The following EMC1 variants were observed in gnomAD, a reference collection of about 807,000 sequenced individuals.
EMC1 encodes KIAA0090.
In EMC1, 103 loss-of-function variants were observed where a neutral mutation model predicts 128.8. That is an observed-to-expected ratio of 0.80 (90% confidence interval 0.68 to 0.94). The LOEUF (loss-of-function observed/expected upper bound fraction) is 0.94. EMC1 is among the 40% of genes least tolerant of loss of function. EMC1 has a pLI of 0.00. For synonymous variants in EMC1, 442 were observed against 490.4 expected (o/e 0.90, Z 1.30); for missense variants, 1,083 against 1,250.6 (o/e 0.87, Z 2.02).
At position 19,219,331 on chromosome 1, in the gene EMC1, A is replaced by G. The variant is rs2093413438; in HGVS notation, c.2954T>C (p.Val985Ala). ...ATMITKRLAQ[V>A]KLLNRAWR Reference sequence around the variant, plus strand: ...TCGCCAGGCCCGATTCAGGAGCTTCACCTGTGCCAGTCTCTTAGTGATCAT... The same window carrying G: ...TCGCCAGGCCCGATTCAGGAGCTTCGCCTGTGCCAGTCTCTTAGTGATCAT... The change falls in exon 23 of 23, where the codon GTG becomes GCG. Residue 985 changes from valine (V) to alanine (A), a missense_variant. Val to Ala is a moderately conservative substitution (Grantham distance 64, BLOSUM62 0). Coordinates refer to ENST00000477853, the MANE Select transcript of EMC1 (RefSeq NM_015047.3). The G allele has an allele frequency of 6.2e-7, 1 of 1,613,874 alleles. No homozygotes were observed. The highest frequency in any genetic ancestry group is 8.5e-7 in the Non-Finnish European group (1 of 1,180,022).
intron 5 of EMC1, among the ~76,000 whole-genome samples, chr1:19,241,501 C>T (rs1352097509): frequency 6.6e-6 from 1 of 152,058 alleles, no homozygotes; most frequent in Non-Finnish European, 1.5e-5. Context: ...TCATAACCCG[C>T]CTCATAGCAT....
chr1:19,247,893 T>G (rs1297444245), intron 1 of EMC1, among the ~76,000 whole-genome samples: 1 of 152,132 alleles, frequency 6.6e-6, no homozygotes, highest in East Asian at 1.9e-4. Context: ...GGCATAGTGC[T>G]GTGCACCACA....
chr1:19,241,867 G>T (rs1419976895), intron 5 of EMC1, among the ~76,000 whole-genome samples: 1 of 152,144 alleles, frequency 6.6e-6, no homozygotes, highest in East Asian at 1.9e-4. Flanking sequence ...TGTCTAAGTA[G>T]ATCCTTTTAT....
chr1:19,242,305 T>G lies in EMC1; in HGVS notation c.509+40A>C, dbSNP rs945683866. On this transcript the variant is annotated intron_variant, in intron 5 of 22. Coordinates refer to ENST00000477853, the MANE Select transcript of EMC1 (RefSeq NM_015047.3). The stretch of plus-strand genomic sequence containing the variant: ...AGGAGAAAGAGGAGCTCCTAGAGAG[T>G]AGAACGAGGCAGCTATTGCCTGTGA... 4 of 1,612,564 alleles carry G rather than the reference T, an allele frequency of 2.5e-6. No homozygotes were observed. The African/African-American group carries it at 4.0e-5, about 16-fold the overall frequency.
intron 2 of EMC1, 59 bp downstream of exon 2, chr1:19,244,847 G>T (rs2093624630): frequency 4.4e-6 from 7 of 1,596,008 alleles, no homozygotes; most frequent in Non-Finnish European, 5.1e-6. Flanking sequence ...GGCAGAGTTG[G>T]CAATGGTAAG....
At chr1:19,230,076 A>G (rs2151946532) in intron 17 of EMC1, among the ~76,000 whole-genome samples, 1 of 152,340 alleles carries the variant, frequency 6.6e-6, no homozygotes, top group South Asian at 2.1e-4. Context: ...GCCAGCGTGT[A>G]TTACTGTTTA....
chr1:19,243,263 C>T (rs1053896803), intron 4 of EMC1, among the ~76,000 whole-genome samples: 2 of 152,058 alleles, frequency 1.3e-5, no homozygotes, highest in African/African-American at 2.4e-5. Flanking sequence ...AAATAAACAA[C>T]TTTAGCAAAG....
intron 12 of EMC1, among the ~76,000 whole-genome samples, chr1:19,236,836 C>T (rs1009937708): frequency 6.7e-6 from 1 of 148,700 alleles, no homozygotes; most frequent in Non-Finnish European, 1.5e-5. Context: ...GTCGTGGTGG[C>T]ACACGCCTGT....
At chr1:19,251,096 TCA>T (rs1414499048) in intron 1 of EMC1, among the ~76,000 whole-genome samples, 3 of 152,066 alleles carry the variant, frequency 2.0e-5, no homozygotes, top group Non-Finnish European at 4.4e-5. Flanking sequence ...ACCAGAAACC[TCA>T]CAGTCAAAAA....
intron 1 of EMC1, among the ~76,000 whole-genome samples, chr1:19,251,146 C>A (rs1249708382): frequency 6.6e-6 from 1 of 152,192 alleles, no homozygotes; most frequent in African/African-American, 2.4e-5. Context: ...TCAGTGATCT[C>A]TGACCGGCAC....
At chr1:19,230,250 G>GA (rs994808925) in intron 17 of EMC1, among the ~76,000 whole-genome samples, 1 of 151,714 alleles carries the variant, frequency 6.6e-6, no homozygotes, top group African/African-American at 2.4e-5. Flanking sequence ...CCCAAGAATG[G>GA]AAAAAAAGTC....
intron 17 of EMC1, among the ~76,000 whole-genome samples, chr1:19,230,602 G>C (rs1254863460): frequency 2.0e-5 from 3 of 151,970 alleles, no homozygotes; most frequent in Admixed American, 2.0e-4. Flanking sequence ...TGGAATGAAA[G>C]CTCCACAAGG....
rs2093448009 is a variant in EMC1 at position 19,223,515 on chromosome 1, C to T, written c.2257G>A (p.Glu753Lys). 1 of 1,614,060 alleles carries T rather than the reference C, an allele frequency of 6.2e-7. No individual in the cohort carries two copies. The highest frequency in any genetic ancestry group is 1.7e-5 in the Admixed American group (1 of 60,004). ...AGGAAGATGCCAATAAAGGTGCGCT[C>T]ATGGTGCGCGTCTGTGCTCTCTGTC... ...VVTESTDAHH[E>K]RTFIGIFLID... The change falls in exon 19 of 23, where the codon GAG becomes AAG. Residue 753 changes from glutamate (E) to lysine (K), a missense_variant. By Grantham distance (56) the Glu-to-Lys change is moderately conservative. Coordinates refer to ENST00000477853, the MANE Select transcript of EMC1 (RefSeq NM_015047.3).
chr1:19,247,530 G>C (rs981998801), intron 1 of EMC1, among the ~76,000 whole-genome samples: 1 of 152,066 alleles, frequency 6.6e-6, no homozygotes, highest in South Asian at 2.1e-4. Flanking sequence ...TCACGTTTGC[G>C]GTGAAGGTGG....
Position 19,238,062 on chromosome 1 carries a change from G to A in EMC1, c.1167C>T (p.Thr389=), listed in dbSNP as rs2093579214. ...TCTGTTCCAGGCTAAATGTTATCGT[G>A]GTGTCCAGCAGCCGCCGACCTGTCT... ...LVETGRRLLD[T]TITFSLEQSG... Residue 389 remains threonine, a synonymous_variant, in exon 11 of 23, where the codon ACC becomes ACT. Transcript: ENST00000477853. The A allele has an allele frequency of 6.2e-7, 1 of 1,613,928 alleles. No individual in the cohort carries two copies. The highest frequency in any genetic ancestry group is 8.5e-7 in the Non-Finnish European group (1 of 1,180,008).
At chr1:19,238,299 T>C (rs528013834) in intron 10 of EMC1, among the ~76,000 whole-genome samples, 160 bp from the exon 11 acceptor site, 1 of 152,312 alleles carries the variant, frequency 6.6e-6, no homozygotes, top group South Asian at 2.1e-4. Flanking sequence ...AGCTAAATCC[T>C]AAGGCAGAAA....
chr1:19,221,083 A>G (rs1197896534), intron 20 of EMC1: 3 of 369,104 alleles, frequency 8.1e-6, no homozygotes, highest in African/African-American at 4.2e-5. Context: ...ATAAAGTTCT[A>G]GAATCAAGAT....
intron 21 of EMC1, 41 bp from the exon 22 acceptor site, chr1:19,219,739 G>C (rs775507363): frequency 6.2e-7 from 1 of 1,607,446 alleles, no homozygotes; most frequent in Non-Finnish European, 8.5e-7. Flanking sequence ...GAGCACTGCT[G>C]TAAAGGGATC....
intron 21 of EMC1, 29 bp downstream of exon 21, chr1:19,220,735 G>A: frequency 1.9e-6 from 3 of 1,562,010 alleles, no homozygotes; most frequent in Non-Finnish European, 2.6e-6. Context: ...TAAGGTCAGA[G>A]CCTTCAGCAC....
Sources: gnomAD v4.1 joint callset for allele counts (sites outside exome capture counted in the v4.1 genomes callset) on GRCh38, gnomAD v4.1.1 for gene constraint, MANE v1.5 for transcripts, NCBI Gene and HGNC (gene_info 2026-07-23, HGNC 2026-07-21) for gene names.